SLC25A25: variants seen among roughly 807,000 people sequenced by gnomAD.
SLC25A25 encodes mitochondrial adenyl nucleotide antiporter SLC25A25.
A neutral mutation model predicts 57.7 loss-of-function variants in SLC25A25; 32 were observed. That is an observed-to-expected ratio of 0.55 (90% CI 0.42 to 0.74). The LOEUF is 0.74. Among genes scored for constraint, SLC25A25 ranks in the 30% least tolerant of loss-of-function variants. The pLI, the probability that SLC25A25 is intolerant of heterozygous loss-of-function variation, is 0.00. For synonymous variants in SLC25A25, 306 were observed against 291.2 expected, an observed-to-expected ratio of 1.05 and a Z score of -0.52; for missense variants, 556 against 701.3, an observed-to-expected ratio of 0.79 and a Z score of 2.34.
intron 1 of SLC25A25, among the ~76,000 whole-genome samples, chr9:128,086,592 CA>C (rs1156682046): frequency 6.6e-6 from 1 of 152,134 alleles, no homozygotes; most frequent in Non-Finnish European, 1.5e-5. Context: ...CTCGGCCTCC[CA>C]AAGTGCTGAG....
At chr9:128,077,516 T>TTAAAAAAAAAAAAAAAA (rs1833044179) in intron 1 of SLC25A25, among the ~76,000 whole-genome samples, 8 of 100,332 alleles carry the variant, frequency 8.0e-5, no homozygotes, top group African/African-American at 3.5e-4. Context: ...GACTCCGTCT[T>TTAAAAAAAAAAAAAAAA]AAAAAAAAAA....
intron 1 of SLC25A25, among the ~76,000 whole-genome samples, chr9:128,069,182 G>GA (rs1308231876): frequency 6.6e-6 from 1 of 152,206 alleles, no homozygotes; most frequent in Non-Finnish European, 1.5e-5. Context: ...TGGACGGAGT[G>GA]AAAGAATCCG....
intron 1 of SLC25A25, among the ~76,000 whole-genome samples, chr9:128,079,705 AG>A (rs949896225): frequency 2.7e-5 from 4 of 147,714 alleles, no homozygotes; most frequent in Admixed American, 2.0e-4. Flanking sequence ...TAAAAAACCC[AG>A]GAGGGGCCAG....
At chr9:128,091,990 G>C in intron 1 of SLC25A25, 1 of 1,614,052 alleles carries the variant, frequency 6.2e-7, no homozygotes, top group Middle Eastern at 1.6e-4. Flanking sequence ...GGAGAGACCA[G>C]ATGGCAAGCT....
chr9:128,075,483 G>A (rs944303184), intron 1 of SLC25A25, among the ~76,000 whole-genome samples: 1 of 151,628 alleles, frequency 6.6e-6, no homozygotes, highest in Non-Finnish European at 1.5e-5. Flanking sequence ...AGGAGTTCAA[G>A]ACCAGCCTGG....
intron 1 of SLC25A25, among the ~76,000 whole-genome samples, chr9:128,096,281 G>T (rs1833554974): frequency 6.6e-6 from 1 of 152,212 alleles, no homozygotes; most frequent in Non-Finnish European, 1.5e-5. Context: ...GGCCAAGGCA[G>T]GCAGATCACT....
At chr9:128,092,196 C>T (rs1031804005) in intron 1 of SLC25A25, 83 of 1,412,974 alleles carry the variant, frequency 5.9e-5, no homozygotes, top group South Asian at 1.8e-4. Flanking sequence ...AACGTTAGTT[C>T]GGGGTTCAGG....
intron 1 of SLC25A25, chr9:128,094,289 C>T (rs939339963): frequency 3.3e-5 from 5 of 152,178 alleles, no homozygotes; most frequent in Admixed American, 2.6e-4. Context: ...AGGAACTGTT[C>T]CAGTTTTTCC....
At chr9:128,093,924 C>T in intron 1 of SLC25A25, among the ~76,000 whole-genome samples, 1 of 152,128 alleles carries the variant, frequency 6.6e-6, no homozygotes, top group Admixed American at 6.5e-5. Flanking sequence ...CTGAGGTGGA[C>T]AGATCACGAG....
chr9:128,091,273 C>A (rs1056402203), intron 1 of SLC25A25: 2 of 219,656 alleles, frequency 9.1e-6, no homozygotes, highest in Non-Finnish European at 1.5e-5. Context: ...GTAAGCTGAG[C>A]CTCATCTGGA....
Position 128,092,158 on chromosome 9 carries a change from C to T in SLC25A25, c.262-8938C>T, listed in dbSNP as rs907441627. 3.3e-5 allele frequency: 52 copies of T among 1,553,682 alleles called. No individual in the cohort carries two copies. The Admixed American group carries it at 8.8e-4, about 26-fold the overall frequency. ...TGGGATCATTTTCCTGGGGAAAAAA[C>T]GAGTGTGGGGAGGAAGGGAGAACTC... On this transcript the variant is annotated intron_variant, in intron 1 of 10. Transcript: ENST00000373069.
rs577156940 is a variant in SLC25A25 at position 128,084,493 on chromosome 9, T to C, written c.261+15913T>C. On this transcript the variant is annotated intron_variant, in intron 1 of 10. Transcript: ENST00000373069. ...CTCCTTTTTATTGATTCCAGGTTTT[T>C]AGATAATAACCCTTTCAACCCCAAT... Among the ~76,000 whole-genome samples, 10 of 152,252 alleles carry C rather than the reference T, an allele frequency of 6.6e-5. No individual in the cohort carries two copies. The East Asian group carries it at 9.6e-4, about 15-fold the overall frequency.
chr9:128,082,908 A>G (rs1588756863), intron 1 of SLC25A25, among the ~76,000 whole-genome samples: 1 of 151,848 alleles, frequency 6.6e-6, no homozygotes, highest in Admixed American at 6.6e-5. Flanking sequence ...GTGAGACACC[A>G]CGCCCGGCCT....
chr9:128,092,006 G>A, intron 1 of SLC25A25: 1 of 1,613,988 alleles, frequency 6.2e-7, no homozygotes, highest in South Asian at 1.1e-5. Context: ...AAGCTTTTTG[G>A]GGAAACAGGA....
chr9:128,106,930 A>G, intron 9 of SLC25A25, 99 bp from the exon 10 acceptor site: 1 of 1,436,236 alleles, frequency 7.0e-7, no homozygotes, highest in Non-Finnish European at 9.5e-7. Flanking sequence ...CAGGCGCGGC[A>G]GTCGGGTTCC....
chr9:128,099,189 C>T lies in SLC25A25; in HGVS notation c.262-1907C>T. The T allele has an allele frequency of 1.6e-6, 2 of 1,266,978 alleles. No individual in the cohort carries two copies. The highest frequency in any genetic ancestry group is 2.0e-6 in the Non-Finnish European group (2 of 979,982). The allele number at this position is 1,266,978 out of a possible 1,614,324, so 78.5% of individuals were successfully genotyped here. On this transcript the variant is annotated intron_variant, in intron 1 of 10. Coordinates refer to ENST00000373069, the MANE Select transcript of SLC25A25 (RefSeq NM_001330988.2). The surrounding 1 kb of genome is among the most constrained non-coding windows in gnomAD (Gnocchi z 6.8). ...CTGTGGAACAGGGCCTGTGTCTGCC[C>T]TGAAAGTGAGGAAGCCGAGCTGCAG...
intron 1 of SLC25A25, chr9:128,091,820 C>T (rs1833414148): frequency 6.4e-7 from 1 of 1,553,958 alleles, no homozygotes; most frequent in Non-Finnish European, 8.7e-7. Flanking sequence ...ACTGTGGTCA[C>T]ATCCCTCAAA....
intron 1 of SLC25A25, among the ~76,000 whole-genome samples, chr9:128,094,811 A>G (rs1833512878): frequency 6.6e-6 from 1 of 152,200 alleles, no homozygotes; most frequent in Non-Finnish European, 1.5e-5. Context: ...TTGCTGTGAG[A>G]AGATGCTCAG....
rs1172293259 is a variant in SLC25A25, at chr9:128,076,465, TTTATTTTTA to T, written c.261+7888_261+7896del. ...TTTTATTTTTATTTTTATTTTTATT[TTTATTTTTA>T]TTTTTTTTTGAGACAGAGTCTCTCT... is the stretch of plus-strand genomic sequence containing the variant. On this transcript the variant is annotated intron_variant, in intron 1 of 10. Transcript: ENST00000373069. Among the ~76,000 whole-genome samples the T allele has an allele frequency of 1.4e-3, 142 of 98,602 alleles. 2 individuals carry two copies. The highest frequency in any genetic ancestry group is 4.4e-3 in the Admixed American group (43 of 9,818). The allele number at this position is 98,602 out of a possible 152,430, so 64.7% of individuals were successfully genotyped here. A position where few individuals can be genotyped will look rare whatever the true frequency, so the allele number is the denominator to read the frequency against.
Sources: gnomAD v4.1 joint callset for allele counts (sites outside exome capture counted in the v4.1 genomes callset) on GRCh38, gnomAD v4.1.1 for gene constraint, Gnocchi (gnomAD v3.1) non-coding constraint, MANE v1.5 for transcripts, NCBI Gene and HGNC (gene_info 2026-07-23, HGNC 2026-07-21) for gene names.